Variants in PDE11A observed in about 807,000 individuals in gnomAD.
The protein encoded by PDE11A is phosphodiesterase 11A.
PDE11A carries 100 observed loss-of-function variants against 100.5 expected under a neutral mutation model. The observed-to-expected ratio is 1.00, with a 90% confidence interval of 0.85 to 1.18. The LOEUF is 1.18. Ranked by LOEUF, PDE11A falls within the 50% of genes most tolerant of loss-of-function variation. The pLI, the probability that PDE11A is intolerant of heterozygous loss-of-function variation, is 0.00. For missense variants in PDE11A, 1,141 were observed against 1,152.6 expected, an observed-to-expected ratio of 0.99 and a Z score of 0.15; for synonymous variants, 381 against 420.8, an observed-to-expected ratio of 0.91 and a Z score of 1.16.
chr2:177,853,635 CATATAT>C (rs371434526), intron 5 of PDE11A, among the ~76,000 whole-genome samples: 520 of 36,050 alleles, frequency 0.014, 1 homozygote, highest in Middle Eastern at 0.068. Flanking sequence ...ACAAGTCCTG[CATATAT>C]ATATATATAT....
chr2:177,881,376 TATCTATCTATCC>T (rs1453325711), intron 4 of PDE11A, among the ~76,000 whole-genome samples: 5 of 151,656 alleles, frequency 3.3e-5, no homozygotes, highest in South Asian at 4.1e-4. Context: ...TCTATCTATC[TATCTATCTATCC>T]ATCTATCTAT....
In PDE11A at chr2:178,099,351, T is replaced by C. The variant is rs775368308; in HGVS notation, c.162+4951A>G. Among the ~76,000 whole-genome samples the C allele has an allele frequency of 4.9e-5, 7 of 143,424 alleles. No homozygotes were observed. In the South Asian group the frequency reaches 1.5e-3, roughly 31 times the overall value. 94.1% of individuals were successfully genotyped at this position (143,424 alleles called of 152,430 possible). The stretch of plus-strand genomic sequence containing the variant: ...TACTTCAGAGGCTGAGGCAGGAAAA[T>C]AGCTTGAACCTGGGATGCAGTGGTA... On this transcript the variant is annotated intron_variant, in intron 2 of 20. Coordinates refer to the PDE11A transcript ENST00000358450.
chr2:177,855,031 T>C (rs2083806498), intron 5 of PDE11A, among the ~76,000 whole-genome samples: 1 of 152,142 alleles, frequency 6.6e-6, no homozygotes, highest in East Asian at 1.9e-4. Flanking sequence ...GGTGCTGTTT[T>C]AATTTTTTAA....
chr2:177,887,499 C>T (rs900705980), intron 4 of PDE11A, among the ~76,000 whole-genome samples: 2 of 151,744 alleles, frequency 1.3e-5, no homozygotes, highest in African/African-American at 4.8e-5. Context: ...TGCGGTGGCT[C>T]ATGCTTGTAA....
chr2:177,862,863 C>T (rs2118483), intron 5 of PDE11A, among the ~76,000 whole-genome samples: 50,834 of 151,632 alleles, frequency 0.34, 10,209 homozygotes, highest in East Asian at 0.53. Context: ...ATAAAAGACC[C>T]CAAATAGCCA....
chr2:177,720,949 G>C (rs1027399684), intron 12 of PDE11A, among the ~76,000 whole-genome samples: 2 of 152,042 alleles, frequency 1.3e-5, no homozygotes, highest in African/African-American at 4.8e-5. Context: ...CCTCAACTAC[G>C]GTTGCAAGTG....
At chr2:178,038,744 T>C (rs1464615721) in intron 1 of PDE11A, among the ~76,000 whole-genome samples, 1 of 152,136 alleles carries the variant, frequency 6.6e-6, no homozygotes, top group African/African-American at 2.4e-5. Flanking sequence ...GAGGACCCTG[T>C]CCATAGATCA....
chr2:178,038,107 A>T (rs930376922), intron 1 of PDE11A, among the ~76,000 whole-genome samples: 95 of 152,302 alleles, frequency 6.2e-4, no homozygotes, highest in African/African-American at 2.2e-3. Flanking sequence ...TCTTTTTATA[A>T]AAAAGCAGAT....
intron 19 of PDE11A, among the ~76,000 whole-genome samples, chr2:177,647,643 G>A (rs7559596): frequency 0.036 from 5,418 of 152,138 alleles, 313 homozygotes; most frequent in African/African-American, 0.12. Flanking sequence ...GTTCTGAGAC[G>A]GGGAGGAACC....
chr2:177,669,497 GGA>G lies in PDE11A; in HGVS notation c.2556_2557del (p.Pro853PhefsTer5). 1 of 1,233,794 alleles carries G rather than the reference GGA, an allele frequency of 8.1e-7. No individual in the cohort carries two copies. Among genetic ancestry groups the G allele is most frequent in the Non-Finnish European group, 1.2e-6 (1 of 832,892 alleles). The allele number at this position is 1,233,794 out of a possible 1,614,324, so 76.4% of individuals were successfully genotyped here. ...ATAATTAAAGGATGAACTCACTGAAGGAGTGAGTTTGAGCTCTAATCTCTCCC... is the reference window on the plus strand; with the variant it reads ...ATAATTAAAGGATGAACTCACTGAAGGTGAGTTTGAGCTCTAATCTCTCCC... On this transcript the variant is annotated frameshift_variant, in exon 18 of 20. Coordinates refer to ENST00000286063, the MANE Select transcript of PDE11A (RefSeq NM_016953.4). LOFTEE classifies it high-confidence loss of function.
chr2:178,018,260 A>G, intron 1 of PDE11A: 1 of 419,172 alleles, frequency 2.4e-6, no homozygotes, highest in Non-Finnish European at 4.7e-6. Context: ...TCTGCGATGG[A>G]CTACTCCCTG....
intron 12 of PDE11A, among the ~76,000 whole-genome samples, chr2:177,713,215 G>C (rs2081383306): frequency 6.6e-6 from 1 of 152,084 alleles, no homozygotes; most frequent in Non-Finnish European, 1.5e-5. Flanking sequence ...CACCATATTA[G>C]TGAGGCTGGG....
intron 6 of PDE11A, among the ~76,000 whole-genome samples, chr2:177,828,140 T>C (rs1049495630): frequency 5.3e-5 from 8 of 152,186 alleles, no homozygotes; most frequent in Admixed American, 1.3e-4. Context: ...AAAAATAATA[T>C]GAACACATGA....
intron 2 of PDE11A, among the ~76,000 whole-genome samples, chr2:177,957,910 C>CTTTTTT (rs748839068): frequency 4.4e-5 from 5 of 114,476 alleles, no homozygotes; most frequent in African/African-American, 8.1e-5. Flanking sequence ...TTTCCAATGC[C>CTTTTTT]TTTTTTTTGA....
intron 4 of PDE11A, among the ~76,000 whole-genome samples, chr2:177,890,816 G>A (rs2084518122): frequency 6.6e-6 from 1 of 152,046 alleles, no homozygotes; most frequent in Admixed American, 6.6e-5. Flanking sequence ...AAAATTCAAA[G>A]CTCTGTCAAT....
intron 6 of PDE11A, among the ~76,000 whole-genome samples, chr2:177,839,234 TG>T (rs2083449416): frequency 2.0e-5 from 3 of 152,180 alleles, no homozygotes; most frequent in African/African-American, 7.2e-5. Context: ...TTATGGGCTG[TG>T]GAGTTTGAGA....
intron 1 of PDE11A, among the ~76,000 whole-genome samples, chr2:178,050,705 C>T (rs1199191451): frequency 1.3e-5 from 2 of 152,140 alleles, no homozygotes; most frequent in African/African-American, 2.4e-5. Flanking sequence ...AACTACGTGA[C>T]GCATGCACAA....
chr2:177,941,670 C>G (rs998269309), intron 2 of PDE11A, among the ~76,000 whole-genome samples: 3 of 152,182 alleles, frequency 2.0e-5, no homozygotes, highest in African/African-American at 7.2e-5. Context: ...CCTTCCTCCC[C>G]TCTCCCCATG....
intron 19 of PDE11A, among the ~76,000 whole-genome samples, chr2:177,653,009 T>A (rs535826535): frequency 5.9e-5 from 9 of 152,290 alleles, no homozygotes; most frequent in Non-Finnish European, 1.2e-4. Flanking sequence ...GAGTACAAAG[T>A]GGACCAGGGC....
Sources: gnomAD v4.1 joint callset for allele counts (sites outside exome capture counted in the v4.1 genomes callset) on GRCh38, gnomAD v4.1.1 for gene constraint, MANE v1.5 for transcripts, NCBI Gene and HGNC (gene_info 2026-07-23, HGNC 2026-07-21) for gene names.